Variants in ABR observed in about 807,000 individuals in gnomAD.
ABR encodes the protein ABR activator of RhoGEF and GTPase.
A neutral mutation model predicts 107.2 loss-of-function variants in ABR; 35 were observed. The ratio of observed to expected loss-of-function variants is 0.33; its 90% CI spans 0.25 to 0.43. ABR has a LOEUF of 0.43. Ranked by LOEUF, ABR falls within the 20% of genes least tolerant of loss-of-function variation. The pLI is 1.00. For missense variants in ABR, 815 were observed against 1,115.2 expected (o/e 0.73, Z 3.83); for synonymous variants, 498 against 462.0 (o/e 1.08, Z -1.00).
chr17:1,089,780 C>A (rs956627449), intron 4 of ABR, among the ~76,000 whole-genome samples: 4 of 152,098 alleles, frequency 2.6e-5, no homozygotes, highest in Non-Finnish European at 4.4e-5. Flanking sequence ...GCCGACATGG[C>A]GAAACCCCGT....
At position 1,179,699 on chromosome 17, in the gene ABR, G is replaced by A; in HGVS notation, c.29C>T (p.Pro10Leu). The A allele has an allele frequency of 6.4e-7, 1 of 1,559,632 alleles. No homozygotes were observed. The highest frequency in any genetic ancestry group is 8.7e-7 in the Non-Finnish European group (1 of 1,153,442). Residue 10 changes from proline (P) to leucine (L), a missense_variant, in exon 1 of 23, where the codon CCG becomes CTG. By Grantham distance (98) the Pro-to-Leu change is moderately conservative. Coordinates refer to ENST00000302538, the MANE Select transcript of ABR (RefSeq NM_021962.5). This position sits in a 1 kb window ranked among gnomAD's most constrained non-coding sequence, Gnocchi z 4.9. ...GAGGGTGTCGATCCAGGACAGGCGC[G>A]GCAGGCCCCGGTGGCTGAGCGGCTC... MEPLSHRGL[P>L]RLSWIDTLYS...
chr17:1,029,927 C>T (rs7222113), intron 16 of ABR, among the ~76,000 whole-genome samples: 3,555 of 130,228 alleles, frequency 0.027, 100 homozygotes, highest in South Asian at 0.04. Flanking sequence ...TCCGCCACAG[C>T]GCTGACCCCT....
chr17:1,192,551 C>T (rs571380860), intron 1 of ABR, among the ~76,000 whole-genome samples: 6 of 151,334 alleles, frequency 4.0e-5, no homozygotes, highest in Non-Finnish European at 5.9e-5. Context: ...CCGAGGTGGG[C>T]GGATCACCTG....
intron 18 of ABR, 79 bp downstream of exon 18, chr17:1,012,609 C>A: frequency 1.9e-6 from 2 of 1,029,304 alleles, no homozygotes. Context: ...TGGGCACCGG[C>A]GGGGAGGGCT....
chr17:1,114,708 G>A (rs1299857776), intron 2 of ABR, among the ~76,000 whole-genome samples: 1 of 152,140 alleles, frequency 6.6e-6, no homozygotes, highest in Non-Finnish European at 1.5e-5. Context: ...AGGAGGCGGA[G>A]GTTGCAGTGA....
chr17:1,060,191 G>A (rs966113361), intron 10 of ABR, among the ~76,000 whole-genome samples: 4 of 151,832 alleles, frequency 2.6e-5, no homozygotes, highest in African/African-American at 9.7e-5. Flanking sequence ...TGGGCGGATC[G>A]TTTGAGGTCA....
chr17:1,032,608 C>A (rs188763010), intron 16 of ABR, among the ~76,000 whole-genome samples: 1,374 of 88,582 alleles, frequency 0.016, 31 homozygotes, highest in African/African-American at 0.049. Context: ...CCACCCGCGT[C>A]CGTGCTGGGC....
intron 16 of ABR, among the ~76,000 whole-genome samples, chr17:1,038,918 A>C (rs113611393): frequency 0.011 from 1,723 of 152,342 alleles, 30 homozygotes; most frequent in African/African-American, 0.039. Context: ...AGCCTCCGCC[A>C]GCAGGGAGGT....
chr17:1,204,983 A>G (rs1261574104), intron 1 of ABR, among the ~76,000 whole-genome samples: 2 of 132,514 alleles, frequency 1.5e-5, no homozygotes, highest in African/African-American at 5.8e-5. Context: ...GGCTCACTGC[A>G]TCCTCTGCCT....
rs147808181 is a variant in ABR at position 1,150,465 on chromosome 17, G to C, written c.62-25098C>G. ...GATTCGTCCAGACACAAAGAGGAGG[G>C]TGGTGGCCAGGAGCTGCAAGCAGCG... is the stretch of plus-strand genomic sequence containing the variant. On this transcript the variant is annotated intron_variant, in intron 1 of 22. Coordinates refer to ENST00000302538, the MANE Select transcript of ABR (RefSeq NM_021962.5). The surrounding 1 kb of genome is among the most constrained non-coding windows in gnomAD (Gnocchi z 4.8). Among the ~76,000 whole-genome samples the C allele has an allele frequency of 4.8e-4, 73 of 152,304 alleles. No individual in the cohort carries two copies. Among genetic ancestry groups the C allele is most frequent in the Middle Eastern group, 3.4e-3 (1 of 294 alleles).
chr17:1,077,299 G>A (rs1037760614), intron 6 of ABR, among the ~76,000 whole-genome samples: 5 of 152,098 alleles, frequency 3.3e-5, no homozygotes, highest in East Asian at 1.9e-4. Context: ...CTTTGAAGCC[G>A]ACTTCAACAA....
intron 1 of ABR, among the ~76,000 whole-genome samples, chr17:1,207,437 C>G (rs2150733035): frequency 6.6e-6 from 1 of 151,792 alleles, no homozygotes; most frequent in Admixed American, 6.6e-5. Context: ...ATCACCTGAG[C>G]TCAGGAGTTC....
rs768587878 is a variant in ABR, at chr17:1,012,713, C to T, written c.1936G>A (p.Gly646Ser). The T allele has an allele frequency of 2.3e-5, 37 of 1,589,738 alleles. No homozygotes were observed. Among genetic ancestry groups the T allele is most frequent in the Non-Finnish European group, 2.3e-5 (27 of 1,167,042 alleles). Residue 646 changes from glycine (G) to serine (S), a missense_variant, in exon 18 of 23, where the codon GGT (glycine) becomes AGT (serine). Physicochemically the swap from Gly to Ser is moderately conservative, Grantham distance 56. Transcript: ENST00000302538. ...TTCGTCACCACGCTGATCTTCACAC[C>T]GAAGACGCCGGTCTGCTTTTTGGAC... The part of the protein sequence containing the change: ...TPSKKQTGVF[G>S]VKISVVTKRE...
chr17:1,203,935 T>G (rs1404210808), intron 1 of ABR, among the ~76,000 whole-genome samples: 1 of 152,154 alleles, frequency 6.6e-6, no homozygotes, highest in Non-Finnish European at 1.5e-5. Context: ...AATCCATGGC[T>G]CAAAGTGCTT....
intron 16 of ABR, among the ~76,000 whole-genome samples, chr17:1,031,446 T>C (rs1211753547): frequency 6.6e-6 from 1 of 151,786 alleles, no homozygotes; most frequent in Admixed American, 6.6e-5. Flanking sequence ...TCAAGCCACT[T>C]AGAGGGACGC....
In ABR at chr17:1,133,017, C is replaced by T. The variant is rs145794755; in HGVS notation, c.62-7650G>A. 5.6e-3 allele frequency among the ~76,000 whole-genome samples: 854 copies of T among 152,150 alleles called. 10 individuals carry two copies. Among genetic ancestry groups the T allele is most frequent in the African/African-American group, 0.019 (803 of 41,496 alleles). On this transcript the variant is annotated intron_variant, in intron 1 of 22. Transcript: ENST00000302538. Reference sequence around the variant, plus strand: ...CAGGTCTTTGGGAGGCCGAAGTGGACGGATCACCTGAGGTCAGGAGTTCGA... The same window carrying T: ...CAGGTCTTTGGGAGGCCGAAGTGGATGGATCACCTGAGGTCAGGAGTTCGA...
In ABR at chr17:1,154,773, C is replaced by T. The variant is rs2040974397; in HGVS notation, c.61+24894G>A. 1 of 152,258 alleles carries T rather than the reference C, an allele frequency of 6.6e-6. No individual in the cohort carries two copies. The highest frequency in any genetic ancestry group is 1.5e-5 in the Non-Finnish European group (1 of 68,094). The allele number at this position is 152,258 out of a possible 1,614,324, so 9.4% of individuals were successfully genotyped here. ...GGATGTAGTGCTCGCCCTCCCAAGG[C>T]CGGTGTCCTGGTGACGATGCCACTA... On this transcript the variant is annotated intron_variant, in intron 1 of 22. Coordinates refer to ENST00000302538, the MANE Select transcript of ABR (RefSeq NM_021962.5). This position sits in a 1 kb window ranked among gnomAD's most constrained non-coding sequence, Gnocchi z 4.0.
At chr17:1,124,407 A>C (rs2151447769) in intron 2 of ABR, among the ~76,000 whole-genome samples, 1 of 152,044 alleles carries the variant, frequency 6.6e-6, no homozygotes, top group South Asian at 2.1e-4. Context: ...CACACCCCCC[A>C]CAGAGGACCG....
chr17:1,151,785 A>G (rs1000774897), intron 1 of ABR, among the ~76,000 whole-genome samples: 1 of 152,188 alleles, frequency 6.6e-6, no homozygotes, highest in African/African-American at 2.4e-5. Flanking sequence ...CTCCTCCCCA[A>G]GTGAGGGAGA....
Sources: allele counts gnomAD v4.1 joint callset (sites outside exome capture counted in the v4.1 genomes callset), GRCh38; gene constraint gnomAD v4.1.1; non-coding constraint Gnocchi (gnomAD v3.1); transcripts MANE v1.5; gene names NCBI Gene and HGNC (gene_info 2026-07-23, HGNC 2026-07-21).